Variants in DPP6 observed in about 807,000 individuals in gnomAD.
DPP6 encodes the protein dipeptidyl peptidase like 6, also known as A-type potassium channel modulatory protein DPP6.
A neutral mutation model predicts 122.6 loss-of-function variants in DPP6; 69 were observed. The observed-to-expected ratio is 0.56, with a 90% CI of 0.46 to 0.69. The LOEUF is 0.69. Among genes scored for constraint, DPP6 ranks in the 30% least tolerant of loss-of-function variants. DPP6 has a pLI of 0.00. For missense variants in DPP6, 928 were observed against 1,116.9 expected (o/e 0.83, Z 2.41); for synonymous variants, 418 against 433.1 (o/e 0.97, Z 0.43).
the DPP6 span, among the ~76,000 whole-genome samples, chr7:153,868,279 C>G: frequency 6.6e-6 from 1 of 152,094 alleles, no homozygotes; most frequent in East Asian, 1.9e-4. Context: ...TCCATCTGGT[C>G]ATGGACTTTT....
At chr7:154,491,828 C>T (rs1824305054) in intron 3 of DPP6, among the ~76,000 whole-genome samples, 1 of 152,188 alleles carries the variant, frequency 6.6e-6, no homozygotes, top group Non-Finnish European at 1.5e-5. Flanking sequence ...AGTTCCTCTT[C>T]TCTGCCTGCC....
intron 18 of DPP6, among the ~76,000 whole-genome samples, chr7:154,871,414 C>G (rs1804388259): frequency 6.6e-6 from 1 of 152,336 alleles, no homozygotes; most frequent in Admixed American, 6.5e-5. Flanking sequence ...GATGTCAGCC[C>G]TACCGACCTG....
intron 1 of DPP6, among the ~76,000 whole-genome samples, chr7:154,377,804 T>A (rs1326843693): frequency 6.6e-6 from 1 of 152,224 alleles, no homozygotes; most frequent in African/African-American, 2.4e-5. Context: ...CATAGCAGTA[T>A]GAAAATGGGC....
chr7:154,408,680 C>G (rs1227257364), intron 1 of DPP6, among the ~76,000 whole-genome samples: 1 of 152,068 alleles, frequency 6.6e-6, no homozygotes, highest in Non-Finnish European at 1.5e-5. Flanking sequence ...CTCTCTGTTC[C>G]AGACCCTAAT....
At position 154,313,714 on chromosome 7, in the gene DPP6, T is replaced by TATATATATGCATACACACAC. The variant is rs1177234778; in HGVS notation, c.244-132499_244-132498insTATATATGCATACACACACA. On this transcript the variant is annotated intron_variant, in intron 1 of 25. Coordinates refer to ENST00000377770, the MANE Select transcript of DPP6 (RefSeq NM_130797.4). ...ATATATATATATATATATATATATA[T>TATATATATGCATACACACAC]ACACACACACGCACGCACACACACA... is the stretch of plus-strand genomic sequence containing the variant. 4.5e-4 allele frequency among the ~76,000 whole-genome samples: 8 copies of TATATATATGCATACACACAC among 17,784 alleles called. 1 individual carries two copies. Among genetic ancestry groups the TATATATATGCATACACACAC allele is most frequent in the Non-Finnish European group, 9.6e-4 (8 of 8,296 alleles). 11.7% of individuals were successfully genotyped at this position (17,784 alleles called of 152,430 possible).
chr7:154,518,069 G>T (rs1440102447), intron 3 of DPP6, among the ~76,000 whole-genome samples: 1 of 152,144 alleles, frequency 6.6e-6, no homozygotes, highest in Middle Eastern at 3.2e-3. Flanking sequence ...CCATTAAAAT[G>T]AATGCTCCTT....
intron 1 of DPP6, among the ~76,000 whole-genome samples, chr7:153,894,438 A>C (rs1254826091): frequency 6.6e-6 from 1 of 152,166 alleles, no homozygotes; most frequent in Non-Finnish European, 1.5e-5. Context: ...GGCAGAACCA[A>C]GCAGAATTCC....
chr7:154,705,010 G>T (rs1456269315), intron 7 of DPP6, among the ~76,000 whole-genome samples: 4 of 152,150 alleles, frequency 2.6e-5, no homozygotes, highest in African/African-American at 9.7e-5. Context: ...GAGATTACAA[G>T]CACACGCCAT....
chr7:153,773,906 T>G, the DPP6 span, among the ~76,000 whole-genome samples: 2 of 150,246 alleles, frequency 1.3e-5, no homozygotes, highest in East Asian at 3.9e-4. Context: ...GAAAATCAAT[T>G]AAACCGAAAG....
Position 154,630,477 on chromosome 7 carries a change from C to A in DPP6, c.628-7344C>A, listed in dbSNP as rs144210983. On this transcript the variant is annotated intron_variant, in intron 5 of 25. Coordinates refer to ENST00000377770, the MANE Select transcript of DPP6 (RefSeq NM_130797.4). Reference sequence around the variant, plus strand: ...GGCTGATGCGAATTCCAATATTTTTCTGTGGAAAGACCAGGTACATGGAAG... The same window carrying A: ...GGCTGATGCGAATTCCAATATTTTTATGTGGAAAGACCAGGTACATGGAAG... Among the ~76,000 whole-genome samples the A allele has an allele frequency of 5.3e-5, 8 of 152,288 alleles. No homozygotes were observed. The East Asian group carries it at 1.5e-3, about 29-fold the overall frequency.
rs929756219 is a variant in DPP6, at chr7:154,618,565, C to G, written c.628-19256C>G. Among the ~76,000 whole-genome samples the G allele has an allele frequency of 6.6e-6, 1 of 152,266 alleles. No individual in the cohort carries two copies. Among genetic ancestry groups the G allele is most frequent in the African/African-American group, 2.4e-5 (1 of 41,550 alleles). ...TTTTAATATAGCCCTGCATTTTCCT[C>G]ATATGAAAGCAGAAACCCACAGAGT... On this transcript the variant is annotated intron_variant, in intron 5 of 25. Transcript: ENST00000377770. The surrounding 1 kb of genome is among the most constrained non-coding windows in gnomAD (Gnocchi z 4.1).
chr7:154,061,554 C>T (rs566007515), intron 1 of DPP6, among the ~76,000 whole-genome samples: 1 of 146,726 alleles, frequency 6.8e-6, no homozygotes, highest in East Asian at 2.0e-4. Context: ...CATAAAGGCC[C>T]CCCATTTTGT....
chr7:154,115,861 C>A (rs185709114), intron 1 of DPP6, among the ~76,000 whole-genome samples: 36 of 152,172 alleles, frequency 2.4e-4, no homozygotes, highest in African/African-American at 8.7e-4. Context: ...TTCTTGCTTG[C>A]TGTCTGGTAA....
chr7:154,756,471 A>G (rs1424731342), intron 8 of DPP6, among the ~76,000 whole-genome samples: 2 of 152,162 alleles, frequency 1.3e-5, no homozygotes, highest in Non-Finnish European at 2.9e-5. Context: ...CACATCGACA[A>G]CCCAATGAGG....
intron 2 of DPP6, among the ~76,000 whole-genome samples, chr7:154,465,622 G>T (rs184301088): frequency 2.8e-4 from 43 of 152,276 alleles, no homozygotes; most frequent in African/African-American, 9.6e-4. Flanking sequence ...ATCATCACAG[G>T]TCATTAAAGA....
At chr7:154,836,022 A>G (rs1801021116) in intron 16 of DPP6, among the ~76,000 whole-genome samples, 1 of 152,232 alleles carries the variant, frequency 6.6e-6, no homozygotes, top group African/African-American at 2.4e-5. Flanking sequence ...TGAGCACCTC[A>G]GGCACACTAT....
At chr7:153,919,572 T>G (rs943304401) in intron 1 of DPP6, among the ~76,000 whole-genome samples, 6 of 152,176 alleles carry the variant, frequency 3.9e-5, no homozygotes, top group Non-Finnish European at 8.8e-5. Flanking sequence ...AATGGTAATT[T>G]ACAGAGGATA....
At chr7:154,523,447 A>G (rs762728673) in intron 3 of DPP6, among the ~76,000 whole-genome samples, 35 of 152,168 alleles carry the variant, frequency 2.3e-4, no homozygotes, top group Non-Finnish European at 4.6e-4. Flanking sequence ...TCCAAAGTGT[A>G]TCTTCCCATA....
At chr7:154,467,504 G>A (rs918245544) in intron 2 of DPP6, among the ~76,000 whole-genome samples, 4 of 152,138 alleles carry the variant, frequency 2.6e-5, no homozygotes, top group African/African-American at 9.7e-5. Context: ...GTCACAAAGG[G>A]TGCTTGCTTC....
Sources: gnomAD v4.1 joint callset for allele counts (sites outside exome capture counted in the v4.1 genomes callset) on GRCh38, gnomAD v4.1.1 for gene constraint, Gnocchi (gnomAD v3.1) non-coding constraint, MANE v1.5 for transcripts, NCBI Gene and HGNC (gene_info 2026-07-23, HGNC 2026-07-21) for gene names.